Variants in GCKR observed in about 807,000 individuals in gnomAD.
The protein encoded by GCKR is glucokinase regulatory protein.
GCKR carries 73 observed loss-of-function variants against 82.9 expected under a neutral mutation model. The observed-to-expected ratio is 0.88, with a 90% CI of 0.73 to 1.07. The LOEUF (loss-of-function observed/expected upper bound fraction) is 1.07, where lower values mean the gene tolerates loss of function less well. GCKR is among the 50% of genes least tolerant of loss of function. The probability of loss-of-function intolerance (pLI) is 0.00; values close to 1 mark genes in which losing one functional copy is unlikely to be tolerated. For synonymous variants in GCKR, 294 were observed against 291.8 expected (o/e 1.01, Z -0.08); for missense variants, 784 against 782.1 (o/e 1.00, Z -0.03).
In GCKR at chr2:27,522,492, C is replaced by T. The variant is rs34316866; in HGVS notation, c.1605C>T (p.Ile535=). ...RFSGQSKARC[I]ESLLRAIHFP... Reference sequence around the variant, plus strand: ...CTGGACAGTCCAAGGCTCGATGCATCGAGAGCCTCCTCCGAGCGATCCACT... The same window carrying T: ...CTGGACAGTCCAAGGCTCGATGCATTGAGAGCCTCCTCCGAGCGATCCACT... Residue 535 remains isoleucine, a synonymous_variant, in exon 18 of 19, where the codon ATC becomes ATT. Coordinates refer to ENST00000264717, the MANE Select transcript of GCKR (RefSeq NM_001486.4). The T allele has an allele frequency of 6.2e-6, 10 of 1,613,258 alleles. No individual in the cohort carries two copies. Among genetic ancestry groups the T allele is most frequent in the African/African-American group, 1.3e-5 (1 of 74,876 alleles).
At chr2:27,503,034 G>A (rs1251737862) in intron 8 of GCKR, among the ~76,000 whole-genome samples, 2 of 152,204 alleles carry the variant, frequency 1.3e-5, no homozygotes, top group African/African-American at 4.8e-5. Context: ...CTTGAAGCTT[G>A]GTTCCCTCAC....
chr2:27,519,892 G>C (rs1670109152), intron 17 of GCKR, among the ~76,000 whole-genome samples: 1 of 152,100 alleles, frequency 6.6e-6, no homozygotes, highest in Non-Finnish European at 1.5e-5. Flanking sequence ...CATTACCTGA[G>C]CATGGGGAAG....
At position 27,506,491 on chromosome 2, in the gene GCKR, G is replaced by C. The variant is rs1558437253; in HGVS notation, c.880G>C (p.Glu294Gln). ...TGGCTTTTCTCCCAGATGCCTCCTG[G>C]AAATCTTGCGGACATTTGAGCGAGC... ...GIAASQRCLL[E>Q]ILRTFERAHQ... The change falls in exon 11 of 19, where the codon GAA (glutamate) becomes CAA (glutamine). Residue 294 changes from glutamate to glutamine, a missense_variant. Glu to Gln is a conservative substitution (Grantham distance 29). Coordinates refer to ENST00000264717, the MANE Select transcript of GCKR (RefSeq NM_001486.4). The C allele has an allele frequency of 1.9e-6, 3 of 1,613,366 alleles. No individual in the cohort carries two copies. The highest frequency in any genetic ancestry group is 1.7e-5 in the Admixed American group (1 of 60,020).
Position 27,506,901 on chromosome 2 carries a change from AG to A in GCKR, c.1066+17del. 6.6e-7 allele frequency: 1 copy of A among 1,504,854 alleles called. No individual in the cohort carries two copies. Among genetic ancestry groups the A allele is most frequent in the South Asian group, 1.1e-5 (1 of 88,898 alleles). The allele number at this position is 1,504,854 out of a possible 1,614,324, so 93.2% of individuals were successfully genotyped here. A position where few individuals can be genotyped will look rare whatever the true frequency, so the allele number is the denominator to read the frequency against. ...TTTGGTGCTGGTGGGACCCCAGTCC[AG>A]ATGTTCTTCCTGCTTCCTCCTGATC... is the stretch of plus-strand genomic sequence containing the variant. On this transcript the variant is annotated intron_variant, in intron 12 of 18. Coordinates refer to ENST00000264717, the MANE Select transcript of GCKR (RefSeq NM_001486.4).
At chr2:27,516,535 T>C (rs1437182333) in intron 16 of GCKR, among the ~76,000 whole-genome samples, 2 of 152,120 alleles carry the variant, frequency 1.3e-5, no homozygotes, top group African/African-American at 4.8e-5. Context: ...CTTCAAGTGA[T>C]CCACTCACCT....
intron 16 of GCKR, among the ~76,000 whole-genome samples, chr2:27,514,226 T>G (rs1669951346): frequency 6.6e-6 from 1 of 152,134 alleles, no homozygotes. Context: ...TATGTATGTT[T>G]GTTTACATAC....
chr2:27,508,872 C>CTTT (rs57634090), intron 16 of GCKR, among the ~76,000 whole-genome samples: 63 of 145,352 alleles, frequency 4.3e-4, no homozygotes, highest in East Asian at 2.2e-3. Flanking sequence ...TTTACCACAC[C>CTTT]TTTTTTTTTT....
At position 27,507,231 on chromosome 2, in the gene GCKR, C is replaced by T; in HGVS notation, c.1067-4C>T. ...TCCTCTCTCCTTGTTCTTAAACTTC[C>T]CAGATTTCCGAGATGTCCGTGGCTT... On this transcript the variant is annotated splice_region_variant and splice_polypyrimidine_tract_variant and intron_variant, in intron 12 of 18. Transcript: ENST00000264717. 1 of 1,603,750 alleles carries T rather than the reference C, an allele frequency of 6.2e-7. No homozygotes were observed.
intron 16 of GCKR, among the ~76,000 whole-genome samples, chr2:27,508,887 A>G (rs1218433064): frequency 3.4e-5 from 5 of 145,568 alleles, no homozygotes; most frequent in Non-Finnish European, 6.0e-5. Flanking sequence ...TTTTTTTTGC[A>G]AGTTTACTAT....
In GCKR at chr2:27,505,996, C is replaced by A. The variant is rs534659841; in HGVS notation, c.869+160C>A. ...GGGAGCTGGGTAGTACATGCTGTTGCTCCCACCTCATAGTTGCAGAGTCCG... is the reference window on the plus strand; with the variant it reads ...GGGAGCTGGGTAGTACATGCTGTTGATCCCACCTCATAGTTGCAGAGTCCG... On this transcript the variant is annotated intron_variant, in intron 10 of 18. Coordinates refer to ENST00000264717, the MANE Select transcript of GCKR (RefSeq NM_001486.4). Among the ~76,000 whole-genome samples, 216 of 152,304 alleles carry A rather than the reference C, an allele frequency of 1.4e-3. 1 individual carries two copies. Among genetic ancestry groups the A allele is most frequent in the African/African-American group, 5.1e-3 (210 of 41,562 alleles).
rs951245785 is a variant in GCKR at position 27,508,011 on chromosome 2, G to A, written c.1275G>A (p.Gln425=). 6.2e-7 allele frequency: 1 copy of A among 1,613,904 alleles called. No homozygotes were observed. Among genetic ancestry groups the A allele is most frequent in the East Asian group, 2.2e-5 (1 of 44,874 alleles). ...NLTEVQTIVE[Q]VKEKTNHIQA... ...CGGAGGTGCAGACTATAGTGGAGCA[G>A]GTGAAAGAGAAGACCAACCACATCC... Residue 425 remains glutamine (Q), a synonymous_variant, in exon 15 of 19, where the codon CAG becomes CAA. Transcript: ENST00000264717.
intron 17 of GCKR, 51 bp from the exon 18 acceptor site, chr2:27,522,409 T>G (rs1670170990): frequency 6.2e-7 from 1 of 1,602,974 alleles, no homozygotes; most frequent in Admixed American, 1.7e-5. Context: ...GACTCCATTC[T>G]TAGTTCCTCT....
chr2:27,522,122 T>C (rs1382749714), intron 17 of GCKR, among the ~76,000 whole-genome samples: 3 of 152,152 alleles, frequency 2.0e-5, no homozygotes, highest in Non-Finnish European at 4.4e-5. Context: ...TACATTAGTG[T>C]GCAAGATGGA....
At chr2:27,509,024 G>C (rs1014175909) in intron 16 of GCKR, among the ~76,000 whole-genome samples, 1 of 152,112 alleles carries the variant, frequency 6.6e-6, no homozygotes, top group African/African-American at 2.4e-5. Flanking sequence ...GCAATTTAGA[G>C]CTTTGTGTGG....
chr2:27,507,877 G>C (rs1023239259), intron 14 of GCKR, 100 bp downstream of exon 14: 11 of 1,123,494 alleles, frequency 9.8e-6, no homozygotes, highest in African/African-American at 1.5e-5. Flanking sequence ...TGCTCAGAGG[G>C]AGGGACGGGG....
intron 8 of GCKR, 130 bp downstream of exon 8, chr2:27,501,359 T>C: frequency 2.7e-6 from 2 of 734,652 alleles, no homozygotes; most frequent in Non-Finnish European, 5.0e-6. Flanking sequence ...AAAGTAAATA[T>C]GGGGTGCCCC....
intron 16 of GCKR, among the ~76,000 whole-genome samples, chr2:27,515,230 G>A (rs372735122): frequency 2.9e-5 from 4 of 138,724 alleles, no homozygotes; most frequent in East Asian, 4.4e-4. Context: ...TGCCCATGTC[G>A]GCCTCCCAAA....
chr2:27,506,665 G>A lies in GCKR; in HGVS notation c.968+86G>A, dbSNP rs113471082. ...GAGACTCTGTGAGACATGTTAACAC[G>A]GTATGGGCGATAGGATTGCATGTTG... On this transcript the variant is annotated intron_variant, in intron 11 of 18. Coordinates refer to ENST00000264717, the MANE Select transcript of GCKR (RefSeq NM_001486.4). 2.7e-4 allele frequency: 303 copies of A among 1,126,452 alleles called. 1 individual carries two copies. In the African/African-American group the frequency reaches 3.4e-3, roughly 13 times the overall value. 69.8% of individuals were successfully genotyped at this position (1,126,452 alleles called of 1,614,324 possible). A position where few individuals can be genotyped will look rare whatever the true frequency, so the allele number is the denominator to read the frequency against.
At chr2:27,499,080 C>G (rs1033463558) in intron 5 of GCKR, 62 bp from the exon 6 acceptor site, 2 of 973,762 alleles carry the variant, frequency 2.1e-6, no homozygotes, top group Non-Finnish European at 3.4e-6. Flanking sequence ...GTAGCCTGCC[C>G]TAATACGCCA....
Sources: allele counts gnomAD v4.1 joint callset (sites outside exome capture counted in the v4.1 genomes callset), GRCh38; gene constraint gnomAD v4.1.1; transcripts MANE v1.5; gene names NCBI Gene and HGNC (gene_info 2026-07-23, HGNC 2026-07-21).